Variants in KAZN observed in about 807,000 individuals in gnomAD.
KAZN encodes kazrin.
In KAZN, 40 loss-of-function variants were observed where a neutral mutation model predicts 87.4. That is an observed-to-expected ratio of 0.46 (90% CI 0.36 to 0.60). KAZN has a LOEUF of 0.60. Among genes scored for constraint, KAZN ranks in the 20% least tolerant of loss-of-function variants. The pLI, the probability that KAZN is intolerant of heterozygous loss-of-function variation, is 0.00. For missense variants in KAZN, 898 were observed against 1,073.9 expected (o/e 0.84, Z 2.29); for synonymous variants, 466 against 458.3 (o/e 1.02, Z -0.22).
At chr1:14,250,541 A>G (rs184423219) in intron 2 of KAZN, among the ~76,000 whole-genome samples, 14 of 152,104 alleles carry the variant, frequency 9.2e-5, no homozygotes, top group African/African-American at 2.9e-4. Context: ...GACAACTAAC[A>G]TCACAGAAAC....
At chr1:14,929,852 C>T in intron 1 of KAZN, 2 of 985,470 alleles carry the variant, frequency 2.0e-6, no homozygotes, top group South Asian at 4.7e-5. Flanking sequence ...CCTCTGTCTC[C>T]CTTGTGGCGG....
intron 1 of KAZN, among the ~76,000 whole-genome samples, chr1:14,792,319 A>G (rs1645698294): frequency 1.3e-5 from 2 of 152,182 alleles, no homozygotes. Context: ...TGGAAGGTGC[A>G]AAAAACCCAA....
chr1:14,731,009 C>G (rs142574686), intron 1 of KAZN, among the ~76,000 whole-genome samples: 109 of 152,246 alleles, frequency 7.2e-4, no homozygotes, highest in African/African-American at 2.4e-3. Context: ...GGGAGAAGGC[C>G]CTGGCTATTG....
chr1:14,886,053 C>T (rs1654012001), intron 1 of KAZN, among the ~76,000 whole-genome samples: 2 of 152,016 alleles, frequency 1.3e-5, no homozygotes, highest in Non-Finnish European at 2.9e-5. Context: ...ATGTGGCAAG[C>T]CATAAAGTCT....
At chr1:14,047,930 T>G (rs1390411110) in intron 1 of KAZN, among the ~76,000 whole-genome samples, 1 of 151,770 alleles carries the variant, frequency 6.6e-6, no homozygotes, top group Non-Finnish European at 1.5e-5. Flanking sequence ...CAAAGGAGTT[T>G]AAAACCATCA....
chr1:14,794,801 T>C (rs775725325), intron 1 of KAZN, among the ~76,000 whole-genome samples: 3 of 152,150 alleles, frequency 2.0e-5, no homozygotes, highest in Non-Finnish European at 4.4e-5. Flanking sequence ...CAAAGGAGAT[T>C]AACATTTGAG....
intron 8 of KAZN, among the ~76,000 whole-genome samples, chr1:15,072,170 C>T (rs887072182): frequency 1.3e-5 from 2 of 152,180 alleles, no homozygotes; most frequent in African/African-American, 2.4e-5. Flanking sequence ...CTCCCCTCCT[C>T]GTAGGTTCAG....
chr1:14,430,133 C>A (rs1027786138), intron 2 of KAZN, among the ~76,000 whole-genome samples: 2 of 149,586 alleles, frequency 1.3e-5, no homozygotes, highest in African/African-American at 4.9e-5. Context: ...GCTCAAATGT[C>A]ATCTTTTCAA....
At chr1:14,966,633 A>G (rs535795242) in intron 2 of KAZN, among the ~76,000 whole-genome samples, 2 of 152,160 alleles carry the variant, frequency 1.3e-5, no homozygotes, top group South Asian at 4.1e-4. Context: ...GTTAAAATCC[A>G]CTGGTCTAAT....
At chr1:14,843,913 GAC>G (rs748820020) in intron 1 of KAZN, among the ~76,000 whole-genome samples, 9 of 152,194 alleles carry the variant, frequency 5.9e-5, no homozygotes, top group Non-Finnish European at 1.2e-4. Flanking sequence ...ACTGGACAAA[GAC>G]ACACTGAATC....
chr1:14,609,181 G>A (rs1677611911), intron 1 of KAZN, among the ~76,000 whole-genome samples: 1 of 152,150 alleles, frequency 6.6e-6, no homozygotes, highest in Admixed American at 6.5e-5. Context: ...ACTATGTAAA[G>A]CAAGAAAAAA....
chr1:14,004,526 G>C (rs1639950539), intron 1 of KAZN, among the ~76,000 whole-genome samples: 1 of 152,146 alleles, frequency 6.6e-6, no homozygotes, highest in Admixed American at 6.5e-5. Flanking sequence ...TCATGATATA[G>C]TCATGTAATG....
intron 2 of KAZN, among the ~76,000 whole-genome samples, chr1:14,416,879 C>T (rs771225493): frequency 6.6e-6 from 1 of 151,806 alleles, no homozygotes; most frequent in Admixed American, 6.6e-5. Flanking sequence ...CACTTGAGAT[C>T]AGGAGTTTAA....
chr1:14,339,915 A>G (rs1293115141), intron 2 of KAZN, among the ~76,000 whole-genome samples: 1 of 152,162 alleles, frequency 6.6e-6, no homozygotes, highest in Non-Finnish European at 1.5e-5. Context: ...TAACTTGTAT[A>G]TTAACAAAAC....
intron 1 of KAZN, among the ~76,000 whole-genome samples, chr1:14,168,171 G>T (rs143825971): frequency 5.3e-5 from 8 of 152,208 alleles, no homozygotes; most frequent in African/African-American, 1.4e-4. Context: ...CAGGCAAGTC[G>T]CTGGCTACAT....
At chr1:14,950,977 TG>T (rs1662407740) in intron 1 of KAZN, among the ~76,000 whole-genome samples, 1 of 152,150 alleles carries the variant, frequency 6.6e-6, no homozygotes, top group Non-Finnish European at 1.5e-5. Context: ...AAACTTCCTA[TG>T]TTTAACTGCA....
intron 1 of KAZN, among the ~76,000 whole-genome samples, chr1:14,643,728 T>A (rs1340327749): frequency 6.6e-6 from 1 of 152,220 alleles, no homozygotes; most frequent in East Asian, 1.9e-4. Context: ...TTTAGCTCTC[T>A]GAGGAATTGA....
intron 1 of KAZN, among the ~76,000 whole-genome samples, chr1:14,947,721 G>C (rs77901180): frequency 0.018 from 2,786 of 152,266 alleles, 38 homozygotes; most frequent in Non-Finnish European, 0.028. Context: ...GCAAAATGGA[G>C]AGAATGCTAG....
intron 1 of KAZN, among the ~76,000 whole-genome samples, chr1:13,988,963 T>C (rs905456347): frequency 1.3e-5 from 2 of 152,076 alleles, no homozygotes; most frequent in African/African-American, 4.8e-5. Flanking sequence ...GACTGGGTAA[T>C]TTACAAAAAA....
Sources: allele counts gnomAD v4.1 joint callset (sites outside exome capture counted in the v4.1 genomes callset), GRCh38; gene constraint gnomAD v4.1.1; transcripts MANE v1.5; gene names NCBI Gene and HGNC (gene_info 2026-07-23, HGNC 2026-07-21).